Variants in NALCN observed in about 807,000 individuals in gnomAD.
The protein encoded by NALCN is sodium leak channel NALCN.
NALCN carries 111 observed loss-of-function variants against 225.3 expected under a neutral mutation model. The observed-to-expected ratio is 0.49, with a 90% confidence interval of 0.42 to 0.58. The LOEUF is 0.58. Ranked by LOEUF, NALCN falls within the 20% of genes least tolerant of loss-of-function variation. The probability of loss-of-function intolerance (pLI) is 0.00; values close to 1 mark genes in which losing one functional copy is unlikely to be tolerated. For synonymous variants in NALCN, 764 were observed against 769.0 expected (o/e 0.99, Z 0.11); for missense variants, 1,378 against 2,202.4 (o/e 0.63, Z 7.49).
At chr13:101,105,857 T>A (rs745513192) in intron 22 of NALCN, among the ~76,000 whole-genome samples, 1 of 152,138 alleles carries the variant, frequency 6.6e-6, no homozygotes, top group Non-Finnish European at 1.5e-5. Flanking sequence ...CGCTTAAATG[T>A]CCTCCTCTGT....
At chr13:101,071,061 A>C (rs1408222431) in intron 37 of NALCN, among the ~76,000 whole-genome samples, 3 of 152,208 alleles carry the variant, frequency 2.0e-5, no homozygotes, top group African/African-American at 7.2e-5. Flanking sequence ...TCACAAGAAC[A>C]GGATGGAAGA....
chr13:101,169,798 AAT>A (rs1162401892), intron 15 of NALCN, among the ~76,000 whole-genome samples: 5 of 152,214 alleles, frequency 3.3e-5, no homozygotes, highest in Non-Finnish European at 7.3e-5. Flanking sequence ...CCACGTCTTT[AAT>A]ATTTAGGATT....
intron 7 of NALCN, among the ~76,000 whole-genome samples, chr13:101,327,240 T>G (rs568102341): frequency 6.6e-6 from 1 of 152,184 alleles, no homozygotes; most frequent in Non-Finnish European, 1.5e-5. Flanking sequence ...GATAGCGCTT[T>G]TGCATGTTTA....
At chr13:101,395,135 C>T (rs776293570) in intron 3 of NALCN, 48 bp downstream of exon 3, 1 of 1,545,250 alleles carries the variant, frequency 6.5e-7, no homozygotes, top group Non-Finnish European at 8.8e-7. Flanking sequence ...GGGATTAAGA[C>T]TTTCAACACA....
intron 13 of NALCN, among the ~76,000 whole-genome samples, chr13:101,218,741 A>G (rs1273714781): frequency 1.3e-5 from 2 of 152,104 alleles, no homozygotes; most frequent in African/African-American, 4.8e-5. Context: ...TGCTCCAGCC[A>G]TATAAGACTT....
rs570011222 is a variant in NALCN at position 101,160,261 on chromosome 13, G to A, written c.1840-15365C>T. ...GTTTCCTCCTGTGGACCACTCAGTG[G>A]AAGGAAAATGTTTGCAAGGTCCCTT... On this transcript the variant is annotated intron_variant, in intron 15 of 43. Transcript: ENST00000251127. Among the ~76,000 whole-genome samples, 11 of 152,322 alleles carry A rather than the reference G, an allele frequency of 7.2e-5. No homozygotes were observed. In the South Asian group the frequency reaches 1.2e-3, roughly 17 times the overall value.
chr13:101,191,552 T>G (rs1046989217), intron 14 of NALCN, among the ~76,000 whole-genome samples: 3 of 152,202 alleles, frequency 2.0e-5, no homozygotes, highest in Non-Finnish European at 4.4e-5. Context: ...GCAGTGAAAC[T>G]GAAGACAGTG....
intron 10 of NALCN, among the ~76,000 whole-genome samples, chr13:101,279,824 AAATAAAT>A: frequency 5.7e-5 from 2 of 34,932 alleles, no homozygotes; most frequent in African/African-American, 1.7e-4. Flanking sequence ...CTCAAAAAAT[AAATAAAT>A]AAATAAAATA....
At chr13:101,265,307 C>T (rs533560126) in intron 10 of NALCN, among the ~76,000 whole-genome samples, 4 of 152,140 alleles carry the variant, frequency 2.6e-5, no homozygotes, top group South Asian at 2.1e-4. Context: ...GACTTGCCAA[C>T]GTGGGGTCTC....
chr13:101,244,788 CTT>C (rs2041844874), intron 11 of NALCN, among the ~76,000 whole-genome samples: 1 of 152,126 alleles, frequency 6.6e-6, no homozygotes, highest in Non-Finnish European at 1.5e-5. Flanking sequence ...TGGTACAGGA[CTT>C]AAATTCAGAG....
chr13:101,247,499 G>A (rs753377312), intron 11 of NALCN, among the ~76,000 whole-genome samples: 6 of 151,898 alleles, frequency 4.0e-5, no homozygotes, highest in Non-Finnish European at 8.8e-5. Context: ...AGCCAAATGA[G>A]GCAGCATGCA....
chr13:101,293,701 G>C (rs1452474211), intron 7 of NALCN, among the ~76,000 whole-genome samples: 1 of 152,064 alleles, frequency 6.6e-6, no homozygotes, highest in Non-Finnish European at 1.5e-5. Flanking sequence ...CAAACACCAA[G>C]GCATGCAGAA....
chr13:101,070,086 AGACGGAGTCTCACT>A (rs2032752294), intron 37 of NALCN, among the ~76,000 whole-genome samples: 1 of 1,664 alleles, frequency 6.0e-4, no homozygotes, highest in African/African-American at 2.5e-3. Context: ...TTTTTTTTTG[AGACGGAGTCTCACT>A]CTGTCGCCCA....
At chr13:101,279,809 T>G in intron 10 of NALCN, among the ~76,000 whole-genome samples, 1 of 135,210 alleles carries the variant, frequency 7.4e-6, no homozygotes, top group Non-Finnish European at 1.6e-5. Context: ...AGAGCGAGAC[T>G]CCGTCTCAAA....
In NALCN at chr13:101,146,788, G is replaced by A. The variant is rs1594304679; in HGVS notation, c.1840-1892C>T. Among the ~76,000 whole-genome samples, 5 of 152,256 alleles carry A rather than the reference G, an allele frequency of 3.3e-5. No individual in the cohort carries two copies. The East Asian group carries it at 5.8e-4, about 18-fold the overall frequency. ...GCTCAGGGGATATAAAAAGAAATAA[G>A]TCACTGCACTCGCCCTCACGGAGCC... is the stretch of plus-strand genomic sequence containing the variant. On this transcript the variant is annotated intron_variant, in intron 15 of 43. Transcript: ENST00000251127.
At position 101,221,105 on chromosome 13, in the gene NALCN, C is replaced by A. The variant is rs533026043; in HGVS notation, c.1626+8288G>T. 1.4e-4 allele frequency among the ~76,000 whole-genome samples: 21 copies of A among 152,100 alleles called. No individual in the cohort carries two copies. In the South Asian group the frequency reaches 2.5e-3, roughly 18 times the overall value. On this transcript the variant is annotated intron_variant, in intron 13 of 43. Coordinates refer to ENST00000251127, the MANE Select transcript of NALCN (RefSeq NM_052867.4). ...AATAGAGGCCCACAGTCCTTATTCACAACTCCAAAATTTAAAAATTTCTGA... is the reference window on the plus strand; with the variant it reads ...AATAGAGGCCCACAGTCCTTATTCAAAACTCCAAAATTTAAAAATTTCTGA...
chr13:101,150,465 T>C (rs1038418376), intron 15 of NALCN, among the ~76,000 whole-genome samples: 3 of 152,160 alleles, frequency 2.0e-5, no homozygotes, highest in Non-Finnish European at 4.4e-5. Flanking sequence ...CACCAAAACT[T>C]TGACGTCTTT....
intron 17 of NALCN, among the ~76,000 whole-genome samples, chr13:101,138,506 T>G (rs576073335): frequency 2.0e-5 from 3 of 152,342 alleles, no homozygotes; most frequent in African/African-American, 7.2e-5. Context: ...TCTGATTCTA[T>G]GCTGGGAAGT....
Position 101,104,490 on chromosome 13 carries a change from T to A in NALCN, c.2757+40A>T. ...AAAAACAGCAGGTCAGTATTTTACC[T>A]CCTAGTTGTAAGCTGAGATTTTGCA... On this transcript the variant is annotated intron_variant, in intron 24 of 43. Transcript: ENST00000251127. This position sits in a 1 kb window ranked among gnomAD's most constrained non-coding sequence, Gnocchi z 4.2. The A allele has an allele frequency of 1.2e-6, 2 of 1,613,518 alleles. No homozygotes were observed. The highest frequency in any genetic ancestry group is 1.7e-6 in the Non-Finnish European group (2 of 1,179,610).
Sources: allele counts gnomAD v4.1 joint callset (sites outside exome capture counted in the v4.1 genomes callset), GRCh38; gene constraint gnomAD v4.1.1; non-coding constraint Gnocchi (gnomAD v3.1); transcripts MANE v1.5; gene names NCBI Gene and HGNC (gene_info 2026-07-23, HGNC 2026-07-21).